The following ITSN1 variants were observed in gnomAD, a reference collection of about 807,000 sequenced individuals.
The protein encoded by ITSN1 is intersectin 1.
ITSN1 carries 58 observed loss-of-function variants against 239.8 expected under a neutral mutation model. The ratio of observed to expected loss-of-function variants is 0.24; its 90% CI spans 0.20 to 0.30. The LOEUF (loss-of-function observed/expected upper bound fraction) is 0.30, where lower values mean the gene tolerates loss of function less well. Ranked by LOEUF, ITSN1 falls within the 10% of genes least tolerant of loss-of-function variation. ITSN1 has a pLI of 1.00. For missense variants in ITSN1, 1,558 were observed against 2,103.3 expected (o/e 0.74, Z 5.07); for synonymous variants, 780 against 770.8 (o/e 1.01, Z -0.20).
At chr21:33,880,705 C>T (rs1209796763) in intron 34 of ITSN1, among the ~76,000 whole-genome samples, 1 of 152,184 alleles carries the variant, frequency 6.6e-6, no homozygotes, top group Non-Finnish European at 1.5e-5. Flanking sequence ...CACAAATACT[C>T]TCTTCAGAGA....
At chr21:33,681,616 TTTTTATTTTATTTTATTTTA>T (rs147580027) in intron 1 of ITSN1, among the ~76,000 whole-genome samples, 157 of 147,266 alleles carry the variant, frequency 1.1e-3, no homozygotes, top group African/African-American at 8.5e-4. Context: ...TTGGAACCAG[TTTTTATTTTATTTTATTTTA>T]TTTTATTTTA....
chr21:33,751,320 T>G (rs1391709116), intron 6 of ITSN1, among the ~76,000 whole-genome samples: 2 of 152,204 alleles, frequency 1.3e-5, no homozygotes, highest in Non-Finnish European at 2.9e-5. Context: ...TAAGACGCAG[T>G]GTTTTTTTTC....
chr21:33,816,291 G>C (rs1194083734), intron 22 of ITSN1, among the ~76,000 whole-genome samples: 1 of 152,020 alleles, frequency 6.6e-6, no homozygotes, highest in Non-Finnish European at 1.5e-5. Flanking sequence ...TCACAGCTTG[G>C]GACTAGGAAT....
chr21:33,774,713 T>G lies in ITSN1; in HGVS notation c.1306-16T>G. On this transcript the variant is annotated splice_polypyrimidine_tract_variant and intron_variant, in intron 12 of 39. Transcript: ENST00000381318. ...AGAACTGAAAAATTAGTAATTTGTC[T>G]CTGTAAATGTCACAGGCTGCAAAAC... 1 of 1,602,946 alleles carries G rather than the reference T, an allele frequency of 6.2e-7. No individual in the cohort carries two copies. The highest frequency in any genetic ancestry group is 1.1e-5 in the South Asian group (1 of 88,992).
At chr21:33,839,442 G>A (rs2074749739) in intron 29 of ITSN1, among the ~76,000 whole-genome samples, 1 of 152,008 alleles carries the variant, frequency 6.6e-6, no homozygotes, top group Admixed American at 6.6e-5. Flanking sequence ...CAGATGGAGT[G>A]GGGGAAGAGG....
intron 19 of ITSN1, among the ~76,000 whole-genome samples, chr21:33,801,257 G>A (rs2071981065): frequency 6.6e-6 from 1 of 152,184 alleles, no homozygotes; most frequent in East Asian, 1.9e-4. Flanking sequence ...AGTATAAAGG[G>A]TGGTGTACAG....
At chr21:33,811,797 G>C (rs1346649197) in intron 21 of ITSN1, among the ~76,000 whole-genome samples, 1 of 152,240 alleles carries the variant, frequency 6.6e-6, no homozygotes, top group African/African-American at 2.4e-5. Flanking sequence ...GCAGAGGTTT[G>C]AAATGATAGA....
Position 33,755,305 on chromosome 21 carries a change from C to T in ITSN1, c.632C>T (p.Pro211Leu). 6.3e-7 allele frequency: 1 copy of T among 1,599,780 alleles called. No homozygotes were observed. Among genetic ancestry groups the T allele is most frequent in the African/African-American group, 1.3e-5 (1 of 74,656 alleles). Reference protein sequence around the residue: ...AQSFDVASVPPVAEWAVPQSS... With the variant: ...AQSFDVASVPLVAEWAVPQSS... Reference sequence around the variant, plus strand: ...TTTTCTTTTCCCCACAGTGTCCCACCAGTGGCAGAGTGGGCTGTTCCTCAG... The same window carrying T: ...TTTTCTTTTCCCCACAGTGTCCCACTAGTGGCAGAGTGGGCTGTTCCTCAG... Residue 211 changes from proline (P) to leucine (L), a missense_variant, in exon 8 of 40, where the codon CCA becomes CTA. Pro to Leu is a moderately conservative substitution (Grantham distance 98, BLOSUM62 -3). This residue lies in a region of ITSN1 where 982 missense variants were observed against 1,209.9 expected (regional missense o/e 0.81). Transcript: ENST00000381318.
rs200575512 is a variant in ITSN1 at position 33,799,794 on chromosome 21, T to G, written c.2183-14T>G. 40 of 1,612,648 alleles carry G rather than the reference T, an allele frequency of 2.5e-5. No homozygotes were observed. In the African/African-American group the frequency reaches 4.5e-4, roughly 18 times the overall value. ...TTATTTATTTTTGTCCCCCCCACCT[T>G]TTTTTGTAAACAGAAAAAGGTCCAC... On this transcript the variant is annotated splice_polypyrimidine_tract_variant and intron_variant, in intron 18 of 39. Coordinates refer to ENST00000381318, the MANE Select transcript of ITSN1 (RefSeq NM_003024.3).
At chr21:33,671,674 C>T (rs938212696) in intron 1 of ITSN1, among the ~76,000 whole-genome samples, 23 of 151,640 alleles carry the variant, frequency 1.5e-4, no homozygotes, top group Admixed American at 5.9e-4. Flanking sequence ...TGGTGGCGCA[C>T]GCCTGTAATC....
At chr21:33,647,879 A>G (rs985417867) in intron 1 of ITSN1, among the ~76,000 whole-genome samples, 7 of 152,218 alleles carry the variant, frequency 4.6e-5, no homozygotes, top group Non-Finnish European at 7.3e-5. Flanking sequence ...ATAACCCTGC[A>G]GTGACTGTCC....
At chr21:33,763,850 A>G (rs983402408) in intron 9 of ITSN1, among the ~76,000 whole-genome samples, 5 of 152,224 alleles carry the variant, frequency 3.3e-5, no homozygotes, top group Non-Finnish European at 7.3e-5. Context: ...TGGAAAATAA[A>G]CTTTGTCTAC....
intron 31 of ITSN1, among the ~76,000 whole-genome samples, chr21:33,864,086 T>G (rs747075257): frequency 6.6e-5 from 10 of 152,182 alleles, no homozygotes; most frequent in Non-Finnish European, 1.5e-4. Context: ...TGATCTGAAG[T>G]TTTTAAAGCC....
rs766817113 is a variant in ITSN1, at chr21:33,856,874, G to A, written c.3783+17G>A. 1.2e-6 allele frequency: 2 copies of A among 1,613,536 alleles called. No individual in the cohort carries two copies. The highest frequency in any genetic ancestry group is 1.6e-4 in the Middle Eastern group (1 of 6,062). On this transcript the variant is annotated intron_variant, in intron 30 of 39. Transcript: ENST00000381318. ...GTCACAGAGGTAAGGGAGCTGGTGG[G>A]GCAGGGGGCACGGCAGGGGGCGATG...
At chr21:33,802,523 G>A (rs1237438513) in intron 20 of ITSN1, 79 bp downstream of exon 20, 1 of 1,388,298 alleles carries the variant, frequency 7.2e-7, no homozygotes, top group Non-Finnish European at 1.0e-6. Flanking sequence ...TTCTGTGTAA[G>A]TACACGTATC....
intron 1 of ITSN1, among the ~76,000 whole-genome samples, chr21:33,653,914 C>G (rs1458362642): frequency 2.0e-5 from 3 of 152,212 alleles, no homozygotes; most frequent in East Asian, 3.9e-4. Context: ...TCGCAGCCTC[C>G]CAAAGTGCTG....
rs1489855493 is a variant in ITSN1, at chr21:33,778,745, A to AT, written c.1597-2710dup. Among the ~76,000 whole-genome samples the AT allele has an allele frequency of 3.4e-5, 5 of 145,482 alleles. 1 individual carries two copies. In the East Asian group the frequency reaches 7.8e-4, roughly 23 times the overall value. On this transcript the variant is annotated intron_variant, in intron 14 of 39. Coordinates refer to ENST00000381318, the MANE Select transcript of ITSN1 (RefSeq NM_003024.3). ...AGGCGCCCGCCACTACGCCCGGCTA[A>AT]TTTTTTGTATTTTTAGTAGAGACGG...
chr21:33,877,822 A>ATT (rs1321726722), intron 34 of ITSN1, among the ~76,000 whole-genome samples: 6 of 132,396 alleles, frequency 4.5e-5, no homozygotes, highest in Non-Finnish European at 8.0e-5. Flanking sequence ...CTTTGTTTCT[A>ATT]TTTTGTGTGT....
intron 5 of ITSN1, among the ~76,000 whole-genome samples, chr21:33,741,939 G>GTA (rs1340789679): frequency 4.0e-5 from 6 of 149,266 alleles, no homozygotes; most frequent in Non-Finnish European, 1.5e-5. Context: ...TTTTCTTACT[G>GTA]TATAAGTAAT....
Sources: gnomAD v4.1 joint callset for allele counts (sites outside exome capture counted in the v4.1 genomes callset) on GRCh38, gnomAD v4.1.1 for gene constraint, gnomAD v4.1.1 regional missense constraint, MANE v1.5 for transcripts, NCBI Gene and HGNC (gene_info 2026-07-23, HGNC 2026-07-21) for gene names.